Variants in CELSR1 observed in about 807,000 individuals in gnomAD.
The protein encoded by CELSR1 is adhesion G protein-coupled receptor C1.
CELSR1 carries 110 observed loss-of-function variants against 249.1 expected under a neutral mutation model. The ratio of observed to expected loss-of-function variants is 0.44; its 90% CI spans 0.38 to 0.52. The LOEUF (loss-of-function observed/expected upper bound fraction) is 0.52. CELSR1 is among the 20% of genes least tolerant of loss of function. The pLI is 0.00. For missense variants in CELSR1, 4,109 were observed against 4,296.4 expected (o/e 0.96, Z 1.22); for synonymous variants, 2,113 against 1,900.0 (o/e 1.11, Z -2.92).
chr22:46,515,117 C>G (rs73888539), intron 1 of CELSR1, among the ~76,000 whole-genome samples: 47 of 110,908 alleles, frequency 4.2e-4, no homozygotes, highest in African/African-American at 1.5e-3. Flanking sequence ...AGCGTCCCAG[C>G]AGAGCCAACC....
rs75276450 is a variant in CELSR1 at position 46,447,014 on chromosome 22, G to C, written c.4184-7603C>G. On this transcript the variant is annotated intron_variant, in intron 2 of 34. Coordinates refer to ENST00000674500, the MANE Select transcript of CELSR1 (RefSeq NM_001378328.1). This position sits in a 1 kb window ranked among gnomAD's most constrained non-coding sequence, Gnocchi z 4.7. ...ACAGAAGATAAAGTTAAGCAAAGCG[G>C]GAGTGGATTACAGTACTGTTTATAG... Among the ~76,000 whole-genome samples, 2,916 of 152,138 alleles carry C rather than the reference G, an allele frequency of 0.019. 106 individuals are homozygous for C. Among genetic ancestry groups the C allele is most frequent in the African/African-American group, 0.064 (2,658 of 41,474 alleles).
At position 46,446,027 on chromosome 22, in the gene CELSR1, C is replaced by T. The variant is rs1228388430; in HGVS notation, c.4184-6616G>A. ...CTCGCGACAGCACAGTCCTCCACAA[C>T]GCTGGCCTCACCATGTGTCAGTCCC... is the stretch of plus-strand genomic sequence containing the variant. On this transcript the variant is annotated intron_variant, in intron 2 of 34. Transcript: ENST00000674500. The surrounding 1 kb of genome is among the most constrained non-coding windows in gnomAD (Gnocchi z 5.5). Among the ~76,000 whole-genome samples, 2 of 152,280 alleles carry T rather than the reference C, an allele frequency of 1.3e-5. No homozygotes were observed. Among genetic ancestry groups the T allele is most frequent in the East Asian group, 3.9e-4 (2 of 5,158 alleles).
intron 22 of CELSR1, among the ~76,000 whole-genome samples, chr22:46,379,156 G>A (rs1017606251): frequency 2.0e-5 from 3 of 152,204 alleles, no homozygotes; most frequent in South Asian, 2.1e-4. Flanking sequence ...TCTGAGGGCA[G>A]ACGCTCTCAG....
At chr22:46,474,529 A>C (rs2080187564) in intron 1 of CELSR1, among the ~76,000 whole-genome samples, 1 of 152,160 alleles carries the variant, frequency 6.6e-6, no homozygotes. Flanking sequence ...AAACTCAAAT[A>C]AGTGTATTTA....
chr22:46,457,148 C>T (rs2079964989), intron 2 of CELSR1, among the ~76,000 whole-genome samples: 1 of 152,210 alleles, frequency 6.6e-6, no homozygotes, highest in Non-Finnish European at 1.5e-5. Flanking sequence ...AGTTCGAGAA[C>T]AGCTTGGCCA....
chr22:46,522,467 T>C (rs367631756), intron 1 of CELSR1, among the ~76,000 whole-genome samples: 3 of 152,208 alleles, frequency 2.0e-5, no homozygotes, highest in Admixed American at 6.5e-5. Context: ...TTTGTGCTTA[T>C]TGGCCACTTG....
rs940732360 is a variant in CELSR1 at position 46,434,614 on chromosome 22, G to T, written c.4523-1133C>A. On this transcript the variant is annotated intron_variant, in intron 4 of 34. Coordinates refer to ENST00000674500, the MANE Select transcript of CELSR1 (RefSeq NM_001378328.1). The surrounding 1 kb of genome is among the most constrained non-coding windows in gnomAD (Gnocchi z 4.9). ...CCATCACACACATGTCATTCAACAC[G>T]GGCCAGGGTTCTAGAGACGGAAGCA... Among the ~76,000 whole-genome samples the T allele has an allele frequency of 1.3e-5, 2 of 152,148 alleles. No homozygotes were observed. Among genetic ancestry groups the T allele is most frequent in the African/African-American group, 4.8e-5 (2 of 41,434 alleles).
At chr22:46,425,821 GTTTA>G (rs1361892765) in intron 5 of CELSR1, among the ~76,000 whole-genome samples, 2 of 152,034 alleles carry the variant, frequency 1.3e-5, no homozygotes, top group Non-Finnish European at 2.9e-5. Flanking sequence ...CTGGCTTTGG[GTTTA>G]TTTTGTTCTT....
At chr22:46,367,196 G>C in intron 28 of CELSR1, 78 bp from the exon 29 acceptor site, 1 of 1,530,122 alleles carries the variant, frequency 6.5e-7, no homozygotes, top group Non-Finnish European at 8.8e-7. Flanking sequence ...GCACAGATGC[G>C]CATACAGCCT....
At position 46,401,007 on chromosome 22, in the gene CELSR1, G is replaced by A. The variant is rs2079205641; in HGVS notation, c.5227-1105C>T. ...CTTTGTTGCTGTTGCCTTTAACACT[G>A]ATCAGAATTGCTTGTCTTATTCTAC... On this transcript the variant is annotated intron_variant, in intron 9 of 34. Transcript: ENST00000674500. The surrounding 1 kb of genome is among the most constrained non-coding windows in gnomAD (Gnocchi z 4.7). Among the ~76,000 whole-genome samples the A allele has an allele frequency of 1.3e-5, 2 of 151,910 alleles. No homozygotes were observed. The highest frequency in any genetic ancestry group is 2.9e-5 in the Non-Finnish European group (2 of 67,982).
intron 1 of CELSR1, among the ~76,000 whole-genome samples, chr22:46,493,737 T>C (rs1387289741): frequency 6.6e-6 from 1 of 152,086 alleles, no homozygotes; most frequent in Non-Finnish European, 1.5e-5. Context: ...TCTCATGAGA[T>C]CTGACGTTTT....
At chr22:46,451,048 C>CT (rs1569172416) in intron 2 of CELSR1, among the ~76,000 whole-genome samples, 1 of 152,328 alleles carries the variant, frequency 6.6e-6, no homozygotes, top group African/African-American at 2.4e-5. Context: ...CCATGCCCCA[C>CT]TCCCTCTCCT....
At chr22:46,469,266 T>C (rs1226570660) in intron 1 of CELSR1, among the ~76,000 whole-genome samples, 1 of 152,124 alleles carries the variant, frequency 6.6e-6, no homozygotes, top group African/African-American at 2.4e-5. Flanking sequence ...GCACCCAGCA[T>C]AAAATACACA....
At chr22:46,414,251 GAT>G (rs1445938469) in intron 5 of CELSR1, among the ~76,000 whole-genome samples, 1 of 152,178 alleles carries the variant, frequency 6.6e-6, no homozygotes, top group Non-Finnish European at 1.5e-5. Flanking sequence ...TGTGCTGCTC[GAT>G]TCTGACTCCC....
Position 46,402,406 on chromosome 22 carries a change from G to A in CELSR1, c.5227-2504C>T, listed in dbSNP as rs775588101. 6.6e-6 allele frequency among the ~76,000 whole-genome samples: 1 copy of A among 151,900 alleles called. No individual in the cohort carries two copies. Among genetic ancestry groups the A allele is most frequent in the African/African-American group, 2.4e-5 (1 of 41,360 alleles). ...AATTTTCTGTATTTTTAGTAGAGAC[G>A]GGGCTTCTCCATGTTGGTCAGGCTG... On this transcript the variant is annotated intron_variant, in intron 9 of 34. Transcript: ENST00000674500. This position sits in a 1 kb window ranked among gnomAD's most constrained non-coding sequence, Gnocchi z 5.0.
chr22:46,361,852 T>A lies in CELSR1; in HGVS notation c.*1371A>T, dbSNP rs1349841694. On this transcript the variant is annotated 3_prime_UTR_variant, in exon 35 of 35. Coordinates refer to ENST00000674500, the MANE Select transcript of CELSR1 (RefSeq NM_001378328.1). Reference sequence around the variant, plus strand: ...ACAAAGGAAACGCTAAAATCAAACATGTCTGACAGTTCCGGGACCCGTTCC... The same window carrying A: ...ACAAAGGAAACGCTAAAATCAAACAAGTCTGACAGTTCCGGGACCCGTTCC... 6.6e-6 allele frequency: 1 copy of A among 152,282 alleles called. No homozygotes were observed. The highest frequency in any genetic ancestry group is 1.5e-5 in the Non-Finnish European group (1 of 68,056). The allele number at this position is 152,282 out of a possible 1,614,324, so 9.4% of individuals were successfully genotyped here. A position where few individuals can be genotyped will look rare whatever the true frequency, so the allele number is the denominator to read the frequency against.
chr22:46,458,054 G>A (rs1229589698), intron 2 of CELSR1, among the ~76,000 whole-genome samples: 1 of 152,224 alleles, frequency 6.6e-6, no homozygotes, highest in Admixed American at 6.5e-5. Flanking sequence ...TGCAGAGGGA[G>A]GAAGGTGACA....
In CELSR1 at chr22:46,410,588, A is replaced by C. The variant is rs772406560; in HGVS notation, c.4770-27T>G. 6.2e-7 allele frequency: 1 copy of C among 1,606,170 alleles called. No individual in the cohort carries two copies. The highest frequency in any genetic ancestry group is 8.5e-7 in the Non-Finnish European group (1 of 1,173,926). ...TGGGTAGGTAAAGCCATCTTCTGTG[A>C]CGTCAGGGCGGGGAGAGGCGGCCAC... is the stretch of plus-strand genomic sequence containing the variant. On this transcript the variant is annotated intron_variant, in intron 6 of 34. Coordinates refer to ENST00000674500, the MANE Select transcript of CELSR1 (RefSeq NM_001378328.1). This position sits in a 1 kb window ranked among gnomAD's most constrained non-coding sequence, Gnocchi z 6.8.
At chr22:46,386,367 G>A (rs1299754840) in intron 19 of CELSR1, 35 bp downstream of exon 19, 2 of 1,495,250 alleles carry the variant, frequency 1.3e-6, no homozygotes, top group Non-Finnish European at 1.8e-6. Context: ...CCTGATGGTA[G>A]CAGGGTTCCA....
Sources: gnomAD v4.1 joint callset for allele counts (sites outside exome capture counted in the v4.1 genomes callset) on GRCh38, gnomAD v4.1.1 for gene constraint, Gnocchi (gnomAD v3.1) non-coding constraint, MANE v1.5 for transcripts, NCBI Gene and HGNC (gene_info 2026-07-23, HGNC 2026-07-21) for gene names.